TMTC2: variants seen among roughly 807,000 people sequenced by gnomAD.
TMTC2 encodes the protein protein O-mannosyl-transferase TMTC2.
TMTC2 carries 43 observed loss-of-function variants against 82.4 expected under a neutral mutation model. The observed-to-expected ratio is 0.52, with a 90% CI of 0.41 to 0.67. The LOEUF is 0.67. Among genes scored for constraint, TMTC2 ranks in the 30% least tolerant of loss-of-function variants. TMTC2 has a pLI of 0.00. For missense variants in TMTC2, 919 were observed against 1,012.4 expected, an observed-to-expected ratio of 0.91 and a Z score of 1.25; for synonymous variants, 408 against 381.9, an observed-to-expected ratio of 1.07 and a Z score of -0.80.
intron 11 of TMTC2, among the ~76,000 whole-genome samples, chr12:83,085,327 A>G (rs1164580892): frequency 1.3e-5 from 2 of 152,200 alleles, no homozygotes; most frequent in South Asian, 2.1e-4. Context: ...TATCTGACTT[A>G]CCTTTTTCTC....
At chr12:83,113,611 G>C (rs1884664874) in intron 11 of TMTC2, among the ~76,000 whole-genome samples, 1 of 152,178 alleles carries the variant, frequency 6.6e-6, no homozygotes, top group Non-Finnish European at 1.5e-5. Context: ...TAACACCTTG[G>C]CAAGTGTCAT....
chr12:83,034,274 A>G (rs1881573605), intron 9 of TMTC2, among the ~76,000 whole-genome samples: 1 of 152,150 alleles, frequency 6.6e-6, no homozygotes, highest in Non-Finnish European at 1.5e-5. Context: ...TGAAATCTCT[A>G]TGTTAATCCA....
chr12:82,925,746 A>G (rs1875667176), intron 3 of TMTC2, among the ~76,000 whole-genome samples: 2 of 152,156 alleles, frequency 1.3e-5, no homozygotes, highest in South Asian at 4.1e-4. Flanking sequence ...GTTCTGTTTC[A>G]CTGATCAGCC....
intron 7 of TMTC2, among the ~76,000 whole-genome samples, chr12:82,983,914 A>C (rs1423453687): frequency 6.6e-6 from 1 of 152,028 alleles, no homozygotes; most frequent in Non-Finnish European, 1.5e-5. Flanking sequence ...GAAGTGATTC[A>C]CTTTTCCTAG....
Position 82,932,912 on chromosome 12 carries a change from C to T in TMTC2, c.1598+2367C>T, listed in dbSNP as rs1876120751. Among the ~76,000 whole-genome samples the T allele has an allele frequency of 2.6e-5, 4 of 152,248 alleles. No individual in the cohort carries two copies. In the South Asian group the frequency reaches 8.3e-4, roughly 32 times the overall value. On this transcript the variant is annotated intron_variant, in intron 4 of 11. Transcript: ENST00000321196. Reference sequence around the variant, plus strand: ...AGAAATGTATTCAATTAGAAAATTTCACTTGACATGTAATTTTAAAATTAC... The same window carrying T: ...AGAAATGTATTCAATTAGAAAATTTTACTTGACATGTAATTTTAAAATTAC...
chr12:83,032,553 T>A (rs531055929), intron 9 of TMTC2, among the ~76,000 whole-genome samples: 81 of 151,850 alleles, frequency 5.3e-4, no homozygotes, highest in Middle Eastern at 3.4e-3. Context: ...ATTTTTTTTT[T>A]AATTTTTTTA....
intron 9 of TMTC2, among the ~76,000 whole-genome samples, chr12:83,045,584 G>A (rs1371883426): frequency 6.6e-6 from 1 of 151,988 alleles, no homozygotes; most frequent in African/African-American, 2.4e-5. Context: ...TTCAATGAAT[G>A]TCTTATTTAT....
chr12:82,798,466 C>T (rs1429533579), intron 1 of TMTC2, among the ~76,000 whole-genome samples: 6 of 132,374 alleles, frequency 4.5e-5, no homozygotes, highest in African/African-American at 8.8e-5. Flanking sequence ...CACTGCACTC[C>T]GGCCTGCGCG....
intron 8 of TMTC2, among the ~76,000 whole-genome samples, chr12:83,023,289 A>C (rs1249926013): frequency 6.6e-6 from 1 of 152,208 alleles, no homozygotes; most frequent in Admixed American, 6.5e-5. Context: ...TTTCTTTAGA[A>C]ATTCTGACCA....
chr12:82,756,487 G>A (rs559365380), intron 1 of TMTC2, among the ~76,000 whole-genome samples: 33 of 152,294 alleles, frequency 2.2e-4, no homozygotes, highest in East Asian at 5.8e-4. Context: ...GCCTCCCTGC[G>A]TTGGCAGGTA....
intron 3 of TMTC2, among the ~76,000 whole-genome samples, chr12:82,916,779 G>T (rs76815301): frequency 0.074 from 11,240 of 151,908 alleles, 508 homozygotes; most frequent in African/African-American, 0.093. Context: ...TTTTCTTATT[G>T]GGAATACGTT....
At chr12:82,893,449 T>C (rs1873503287) in intron 2 of TMTC2, among the ~76,000 whole-genome samples, 1 of 152,142 alleles carries the variant, frequency 6.6e-6, no homozygotes, top group Non-Finnish European at 1.5e-5. Flanking sequence ...CCTTCTACTA[T>C]TAAAAATTCC....
At chr12:82,846,290 G>GTTCAACC (rs1565776138) in intron 1 of TMTC2, among the ~76,000 whole-genome samples, 3 of 152,008 alleles carry the variant, frequency 2.0e-5, no homozygotes, top group Non-Finnish European at 2.9e-5. Context: ...CCCAGGAGGC[G>GTTCAACC]GAGGTTGCAG....
chr12:83,039,779 A>C (rs1166144047), intron 9 of TMTC2, among the ~76,000 whole-genome samples: 2 of 152,252 alleles, frequency 1.3e-5, no homozygotes, highest in African/African-American at 4.8e-5. Context: ...ATGACATTCT[A>C]TGGTGATGTC....
intron 3 of TMTC2, among the ~76,000 whole-genome samples, chr12:82,905,945 CAA>C (rs75917698): frequency 3.0e-4 from 29 of 95,496 alleles, no homozygotes; most frequent in Middle Eastern, 6.4e-3. Flanking sequence ...AACTCTGTCT[CAA>C]AAAAAAAAAA....
intron 1 of TMTC2, among the ~76,000 whole-genome samples, chr12:82,830,614 C>G (rs540571933): frequency 1.3e-5 from 2 of 151,920 alleles, no homozygotes; most frequent in Non-Finnish European, 1.5e-5. Context: ...AATTGTTTTT[C>G]TGTTTAGTGT....
At chr12:82,769,535 A>C (rs183599955) in intron 1 of TMTC2, among the ~76,000 whole-genome samples, 12 of 152,130 alleles carry the variant, frequency 7.9e-5, no homozygotes, top group African/African-American at 2.6e-4. Context: ...TATGACAACA[A>C]CCTACCAGGC....
At chr12:82,874,240 A>G (rs1872364402) in intron 2 of TMTC2, among the ~76,000 whole-genome samples, 1 of 152,214 alleles carries the variant, frequency 6.6e-6, no homozygotes, top group African/African-American at 2.4e-5. Context: ...AGTTCTAATC[A>G]GGAGGCCTGA....
At chr12:83,062,793 C>T (rs1205612723) in intron 11 of TMTC2, among the ~76,000 whole-genome samples, 6 of 151,756 alleles carry the variant, frequency 4.0e-5, no homozygotes, top group Non-Finnish European at 8.8e-5. Context: ...TATATACAGT[C>T]TTCTGGGAGC....
Sources: allele counts gnomAD v4.1 joint callset (sites outside exome capture counted in the v4.1 genomes callset), GRCh38; gene constraint gnomAD v4.1.1; transcripts MANE v1.5; gene names NCBI Gene and HGNC (gene_info 2026-07-23, HGNC 2026-07-21).